Variants in CPXM2 observed in about 807,000 individuals in gnomAD.
CPXM2 encodes the protein carboxypeptidase X, M14 family member 2.
In CPXM2, 66 loss-of-function variants were observed where a neutral mutation model predicts 86.1. The observed-to-expected ratio is 0.77, with a 90% confidence interval of 0.63 to 0.94. CPXM2 has a LOEUF of 0.94. CPXM2 is among the 40% of genes least tolerant of loss of function. CPXM2 has a pLI of 0.00. For missense variants in CPXM2, 948 were observed against 1,026.3 expected, an observed-to-expected ratio of 0.92 and a Z score of 1.04; for synonymous variants, 388 against 400.2, an observed-to-expected ratio of 0.97 and a Z score of 0.36.
intron 4 of CPXM2, among the ~76,000 whole-genome samples, chr10:123,807,676 G>A (rs1369151442): frequency 1.3e-5 from 2 of 152,218 alleles, no homozygotes; most frequent in South Asian, 2.1e-4. Context: ...TGGAAAAGGA[G>A]GAGGGGCAGG....
chr10:123,840,786 A>G (rs1475459984), intron 4 of CPXM2, among the ~76,000 whole-genome samples: 2 of 152,228 alleles, frequency 1.3e-5, no homozygotes, highest in Non-Finnish European at 2.9e-5. Flanking sequence ...CTGCCTGACA[A>G]TTGTCACTGT....
intron 8 of CPXM2, among the ~76,000 whole-genome samples, chr10:123,769,223 G>A (rs1212779093): frequency 6.6e-6 from 1 of 152,078 alleles, no homozygotes; most frequent in Non-Finnish European, 1.5e-5. Flanking sequence ...TAAAATCTCA[G>A]GGTGCTATGG....
At chr10:123,892,275 G>A (rs557762215), upstream of CPXM2, among the ~76,000 whole-genome samples, 3 of 152,216 alleles carry the variant, frequency 2.0e-5, no homozygotes, top group Non-Finnish European at 4.4e-5. Flanking sequence ...TGAGGTTCCC[G>A]GGGTTTCTGG....
chr10:123,822,831 C>A (rs1309668291), intron 4 of CPXM2, among the ~76,000 whole-genome samples: 2 of 152,090 alleles, frequency 1.3e-5, no homozygotes, highest in Admixed American at 1.3e-4. Context: ...CAGACCTCTA[C>A]TCTGTAGCAC....
chr10:123,817,718 T>C (rs1030548996), intron 4 of CPXM2, among the ~76,000 whole-genome samples: 4 of 152,184 alleles, frequency 2.6e-5, no homozygotes, highest in African/African-American at 9.7e-5. Context: ...CCAGACTGCA[T>C]CGATAGCCTC....
At chr10:123,924,774 T>C (rs767848015) in intron 2 of CPXM2, among the ~76,000 whole-genome samples, 2 of 152,162 alleles carry the variant, frequency 1.3e-5, no homozygotes, top group Non-Finnish European at 2.9e-5. Context: ...CCTGAAGCTA[T>C]TCGGGGGCCC....
chr10:123,881,271 T>C (rs1945088852), intron 1 of CPXM2, among the ~76,000 whole-genome samples: 2 of 65,226 alleles, frequency 3.1e-5, no homozygotes, highest in Non-Finnish European at 3.1e-5. Context: ...CCCTTTACGC[T>C]CAAGCTAATT....
chr10:123,923,007 T>G (rs1213958842), intron 2 of CPXM2, among the ~76,000 whole-genome samples: 2 of 152,096 alleles, frequency 1.3e-5, no homozygotes, highest in African/African-American at 4.8e-5. Flanking sequence ...CACCCTCGCC[T>G]AGGAAGTATT....
chr10:123,880,261 G>A lies in CPXM2; in HGVS notation c.353C>T (p.Ala118Val), dbSNP rs576070966. The A allele has an allele frequency of 1.2e-6, 2 of 1,603,506 alleles. No individual in the cohort carries two copies. The highest frequency in any genetic ancestry group is 2.2e-5 in the South Asian group (2 of 90,838). The change falls in exon 2 of 14, where the codon GCT (alanine) becomes GTT (valine). Residue 118 changes from alanine to valine, a missense_variant. By Grantham distance (64) the Ala-to-Val change is moderately conservative. Transcript: ENST00000241305. The stretch of plus-strand genomic sequence containing the variant: ...ACGGACACTGTGATCATCGTTGGCA[G>A]CCTTCTCAGAGCTCTTGGTTCTCAT... ...KVMRTKSSEK[A>V]ANDDHSVRVA...
At chr10:123,792,547 A>C (rs1205511343) in intron 6 of CPXM2, among the ~76,000 whole-genome samples, 1 of 152,184 alleles carries the variant, frequency 6.6e-6, no homozygotes, top group Non-Finnish European at 1.5e-5. Context: ...GGGACAGCAG[A>C]GACAGAGACC....
chr10:123,891,651 G>A lies in CPXM2; in HGVS notation c.9C>T (p.Arg3=), dbSNP rs1945275877. 1.4e-6 allele frequency: 2 copies of A among 1,443,138 alleles called. No homozygotes were observed. Among genetic ancestry groups the A allele is most frequent in the South Asian group, 3.0e-5 (2 of 67,774 alleles). 89.4% of individuals were successfully genotyped at this position (1,443,138 alleles called of 1,614,324 possible). A position where few individuals can be genotyped will look rare whatever the true frequency, so the allele number is the denominator to read the frequency against. Residue 3 remains arginine (R), a synonymous_variant, in exon 1 of 14, where the codon CGC becomes CGT. Coordinates refer to ENST00000241305, the MANE Select transcript of CPXM2 (RefSeq NM_198148.3). The surrounding 1 kb of genome is among the most constrained non-coding windows in gnomAD (Gnocchi z 5.6). The part of the protein sequence containing the change: MS[R]PGTATPALAL... ...CCAGCGCTGGGGTAGCGGTCCCCGG[G>A]CGGGACATGCCTGCTCCGCCCCGCG...
chr10:123,809,724 T>TA (rs1451065658), intron 4 of CPXM2, among the ~76,000 whole-genome samples: 1 of 138,992 alleles, frequency 7.2e-6, no homozygotes, highest in African/African-American at 2.5e-5. Flanking sequence ...GTTAAGGAAG[T>TA]ATTAACTTAT....
chr10:123,783,558 G>A (rs1283149372), intron 6 of CPXM2, among the ~76,000 whole-genome samples: 3 of 152,178 alleles, frequency 2.0e-5, no homozygotes, highest in Non-Finnish European at 4.4e-5. Context: ...TTGGAGGGTA[G>A]GATGTGAGTG....
chr10:123,845,323 G>GAA (rs369921032), intron 3 of CPXM2, among the ~76,000 whole-genome samples: 2 of 141,868 alleles, frequency 1.4e-5, no homozygotes, highest in African/African-American at 5.2e-5. Context: ...ATAACAAACA[G>GAA]AAAAAAAAAA....
intron 6 of CPXM2, among the ~76,000 whole-genome samples, chr10:123,791,809 T>G (rs1342107255): frequency 6.6e-6 from 1 of 152,216 alleles, no homozygotes; most frequent in African/African-American, 2.4e-5. Context: ...GAGGGGGACA[T>G]GAATTCTGGG....
At position 123,745,928 on chromosome 10, in the gene CPXM2, C is replaced by T. The variant is rs1845962258; in HGVS notation, c.*836G>A. 6.6e-6 allele frequency: 1 copy of T among 151,958 alleles called. No homozygotes were observed. Among genetic ancestry groups the T allele is most frequent in the Non-Finnish European group, 1.5e-5 (1 of 68,050 alleles). The allele number at this position is 151,958 out of a possible 1,614,324, so 9.4% of individuals were successfully genotyped here. A position where few individuals can be genotyped will look rare whatever the true frequency, so the allele number is the denominator to read the frequency against. Reference sequence around the variant, plus strand: ...GCAGAGAGAGGGCTTCAGGCCACCCCACTTCTGGCTCTTTCCAGTCCTAGC... The same window carrying T: ...GCAGAGAGAGGGCTTCAGGCCACCCTACTTCTGGCTCTTTCCAGTCCTAGC... On this transcript the variant is annotated 3_prime_UTR_variant, in exon 14 of 14. Transcript: ENST00000241305.
chr10:123,765,016 T>A (rs1169347687), intron 10 of CPXM2, among the ~76,000 whole-genome samples: 1 of 152,228 alleles, frequency 6.6e-6, no homozygotes, highest in Non-Finnish European at 1.5e-5. Context: ...AGAAGTTTTT[T>A]ATTTTCTAAA....
chr10:123,929,290 G>A (rs1945647164), intron 2 of CPXM2, among the ~76,000 whole-genome samples: 1 of 152,198 alleles, frequency 6.6e-6, no homozygotes, highest in Admixed American at 6.5e-5. Context: ...GATTCATGAG[G>A]CCAGACCCCG....
intron 2 of CPXM2, among the ~76,000 whole-genome samples, chr10:123,904,912 A>ATCTGCATCCTGTGAGCTCCCCTC (rs1184917723): frequency 7.6e-6 from 1 of 131,662 alleles, no homozygotes; most frequent in African/African-American, 3.1e-5. Context: ...GCTCTGCATC[A>ATCTGCATCCTGTGAGCTCCCCTC]CACCTGCATC....
Sources: gnomAD v4.1 joint callset for allele counts (sites outside exome capture counted in the v4.1 genomes callset) on GRCh38, gnomAD v4.1.1 for gene constraint, Gnocchi (gnomAD v3.1) non-coding constraint, MANE v1.5 for transcripts, NCBI Gene and HGNC (gene_info 2026-07-23, HGNC 2026-07-21) for gene names.